The following EPN3 variants were observed in gnomAD, a reference collection of about 807,000 sequenced individuals.
EPN3 encodes epsin-3.
Under a neutral mutation model 55.5 loss-of-function variants are expected in EPN3, and 56 were observed. The ratio of observed to expected loss-of-function variants is 1.01; its 90% CI spans 0.81 to 1.26. The LOEUF is 1.26. Ranked by LOEUF, EPN3 falls within the 50% of genes most tolerant of loss-of-function variation. EPN3 has a pLI of 0.00. For synonymous variants in EPN3, 449 were observed against 375.2 expected, an observed-to-expected ratio of 1.20 and a Z score of -2.27; for missense variants, 927 against 853.4, an observed-to-expected ratio of 1.09 and a Z score of -1.07.
intron 3 of EPN3, 64 bp downstream of exon 3, chr17:50,538,261 G>A (rs2034794018): frequency 1.5e-6 from 2 of 1,354,356 alleles, no homozygotes; most frequent in Non-Finnish European, 2.1e-6. Flanking sequence ...GTGCCTGGGA[G>A]CCCCTTGGCC....
Position 50,539,223 on chromosome 17 carries a change from G to GTGCA in EPN3, c.799_800insTGCA (p.Ala267ValfsTer18). On this transcript the variant is annotated frameshift_variant, in exon 5 of 10. Coordinates refer to ENST00000268933, the MANE Select transcript of EPN3 (RefSeq NM_017957.3). LOFTEE classifies it high-confidence loss of function. The stretch of plus-strand genomic sequence containing the variant: ...CTGGCAGGGTGATGGCTCCCCCATG[G>GTGCA]CCAATGGTGCAGGGGCCGTGGTCCA... 1 of 1,614,158 alleles carries GTGCA rather than the reference G, an allele frequency of 6.2e-7. No individual in the cohort carries two copies. The highest frequency in any genetic ancestry group is 1.1e-5 in the South Asian group (1 of 91,082).
intron 5 of EPN3, 30 bp downstream of exon 5, chr17:50,539,345 G>C (rs2144035801): frequency 6.2e-7 from 1 of 1,613,218 alleles, no homozygotes; most frequent in East Asian, 2.2e-5. Context: ...GCTTGGGATG[G>C]ACAGGGCCTA....
chr17:50,539,429 C>T (rs773653760), intron 5 of EPN3, 114 bp downstream of exon 5: 15 of 1,465,400 alleles, frequency 1.0e-5, no homozygotes, highest in South Asian at 9.2e-5. Flanking sequence ...TGTGTTTATT[C>T]GATGAAATAG....
chr17:50,536,897 G>A lies in EPN3; in HGVS notation c.341G>A (p.Arg114His), dbSNP rs1567903639. ...CTCAAGGACTTCCAGTACATCGACCGCGACGGCAAGGACCAGGGCGTCAAC... is the reference window on the plus strand; with the variant it reads ...CTCAAGGACTTCCAGTACATCGACCACGACGGCAAGGACCAGGGCGTCAAC... ...QTLKDFQYID[R>H]DGKDQGVNVR... The change falls in exon 2 of 10, where the codon CGC becomes CAC. Residue 114 changes from arginine (R) to histidine (H), a missense_variant. By Grantham distance (29) the Arg-to-His change is conservative. Transcript: ENST00000268933. The A allele has an allele frequency of 7.4e-6, 12 of 1,614,100 alleles. No homozygotes were observed. The highest frequency in any genetic ancestry group is 1.1e-5 in the South Asian group (1 of 91,080).
At position 50,539,292 on chromosome 17, in the gene EPN3, G is replaced by A; in HGVS notation, c.868G>A (p.Glu290Lys). 3 of 1,614,214 alleles carry A rather than the reference G, an allele frequency of 1.9e-6. No homozygotes were observed. The highest frequency in any genetic ancestry group is 1.1e-5 in the South Asian group (1 of 91,082). The change falls in exon 5 of 10, where the codon GAG (glutamate) becomes AAG (lysine). Residue 290 changes from glutamate (E) to lysine (K), a missense_variant. By Grantham distance (56) the Glu-to-Lys change is moderately conservative. Coordinates refer to ENST00000268933, the MANE Select transcript of EPN3 (RefSeq NM_017957.3). ...GCCTGAGAGAGAAGAGAGAAAGGAG[G>A]AGGAGAAGCTAAAAACCAGCCAGGT... ...REPEREERKE[E>K]EKLKTSQSSI...
intron 1 of EPN3, 24 bp downstream of exon 1, chr17:50,533,009 C>T (rs2034695799): frequency 7.9e-7 from 1 of 1,260,788 alleles, no homozygotes; most frequent in African/African-American, 1.5e-5. Flanking sequence ...CTGGCCCCCT[C>T]CCTGGCAGTG....
At position 50,541,898 on chromosome 17, in the gene EPN3, C is replaced by A. The variant is rs1430538378; in HGVS notation, c.1640C>A (p.Pro547Gln). ...NPFGAGEPGR[P>Q]TLNQMRTGSP... ...TTCGGCGCGGGCGAGCCGGGCAGGCCGACGCTAAACCAGATGCGCACCGGC... is the reference window on the plus strand; with the variant it reads ...TTCGGCGCGGGCGAGCCGGGCAGGCAGACGCTAAACCAGATGCGCACCGGC... The change falls in exon 10 of 10, where the codon CCG becomes CAG. Residue 547 changes from proline to glutamine, a missense_variant. Physicochemically the swap from Pro to Gln is moderately conservative, Grantham distance 76. Transcript: ENST00000268933. 6.2e-7 allele frequency: 1 copy of A among 1,605,558 alleles called. No homozygotes were observed. The highest frequency in any genetic ancestry group is 1.7e-5 in the Admixed American group (1 of 59,982).
At chr17:50,538,049 G>A (rs2144033101) in intron 2 of EPN3, 30 bp from the exon 3 acceptor site, 1 of 1,561,866 alleles carries the variant, frequency 6.4e-7, no homozygotes, top group South Asian at 1.1e-5. Context: ...GGGTAATCGT[G>A]TGGTCACAGA....
In EPN3 at chr17:50,540,971, A is replaced by C; in HGVS notation, c.1158A>C (p.Thr386=). 2 of 1,612,576 alleles carry C rather than the reference A, an allele frequency of 1.2e-6. No individual in the cohort carries two copies. The highest frequency in any genetic ancestry group is 1.7e-6 in the Non-Finnish European group (2 of 1,179,728). The change falls in exon 7 of 10, where the codon ACA becomes ACC. Residue 386 remains threonine, a synonymous_variant. Coordinates refer to ENST00000268933, the MANE Select transcript of EPN3 (RefSeq NM_017957.3). Reference sequence around the variant, plus strand: ...TGCTGCCTGCTGGGCCCCCCACCACAGACCCCTGGGCCCTGAACTCTCCCC... The same window carrying C: ...TGCTGCCTGCTGGGCCCCCCACCACCGACCCCTGGGCCCTGAACTCTCCCC... ...TPVLPAGPPT[T]DPWALNSPHH... is the part of the protein sequence containing the mutation.
At chr17:50,538,281 G>T in intron 3 of EPN3, 84 bp downstream of exon 3, 1 of 1,073,184 alleles carries the variant, frequency 9.3e-7, no homozygotes, top group Non-Finnish European at 1.4e-6. Context: ...CTTGACTCAG[G>T]CTCTGTCACC....
Position 50,536,424 on chromosome 17 carries a change from C to T in EPN3, c.-133C>T, listed in dbSNP as rs1391581341. On this transcript the variant is annotated 5_prime_UTR_variant, in exon 2 of 10. Transcript: ENST00000268933. ...TTCCTGGCCCTCTCTTCCTCAGCCC[C>T]ATGTGGAACCCAAGGATGCAGCTGC... The T allele has an allele frequency of 6.6e-7, 1 of 1,515,514 alleles. No individual in the cohort carries two copies. The highest frequency in any genetic ancestry group is 8.8e-7 in the Non-Finnish European group (1 of 1,142,466). 93.9% of individuals were successfully genotyped at this position (1,515,514 alleles called of 1,614,324 possible).
chr17:50,538,843 TG>T, intron 3 of EPN3, 40 bp from the exon 4 acceptor site: 1 of 1,479,912 alleles, frequency 6.8e-7, no homozygotes, highest in Non-Finnish European at 9.1e-7. Context: ...GGTCCCAAGG[TG>T]GGGGTACAGG....
rs530900808 is a variant in EPN3, at chr17:50,541,239, G to A, written c.1260G>A (p.Ser420=). The change falls in exon 8 of 10, where the codon TCG becomes TCA. Residue 420 remains serine (S), a synonymous_variant. Transcript: ENST00000268933. ...TCTCTCTCTTCCGAGGTGGTGCCTCGACCTTTGACCCATTTGCCAAACCTC... is the reference window on the plus strand; with the variant it reads ...TCTCTCTCTTCCGAGGTGGTGCCTCAACCTTTGACCCATTTGCCAAACCTC... ...LETSDTPGGA[S]TFDPFAKPPE... 3.7e-6 allele frequency: 6 copies of A among 1,613,462 alleles called. No homozygotes were observed. Among genetic ancestry groups the A allele is most frequent in the South Asian group, 1.1e-5 (1 of 91,044 alleles).
Position 50,542,135 on chromosome 17 carries a change from C to T in EPN3, c.1877C>T (p.Thr626Ile). Reference protein sequence around the residue: ...SAGPRPPPPQTGTNPFL With the variant: ...SAGPRPPPPQIGTNPFL ...GGGCCGCGGCCCCCGCCCCCGCAGA[C>T]CGGCACCAACCCCTTCCTCTGAGCC... The change falls in exon 10 of 10, where the codon ACC becomes ATC. Residue 626 changes from threonine (T) to isoleucine (I), a missense_variant. Physicochemically the swap from Thr to Ile is moderately conservative, Grantham distance 89. Transcript: ENST00000268933. 1.3e-6 allele frequency: 2 copies of T among 1,514,214 alleles called. No homozygotes were observed. Among genetic ancestry groups the T allele is most frequent in the Non-Finnish European group, 8.8e-7 (1 of 1,139,856 alleles). 93.8% of individuals were successfully genotyped at this position (1,514,214 alleles called of 1,614,324 possible).
chr17:50,542,115 G>GCGGCCC lies in EPN3; in HGVS notation c.1859_1864dup (p.Arg620_Pro621dup). 6.5e-7 allele frequency: 1 copy of GCGGCCC among 1,530,840 alleles called. No individual in the cohort carries two copies. The highest frequency in any genetic ancestry group is 8.7e-7 in the Non-Finnish European group (1 of 1,148,352). The allele number at this position is 1,530,840 out of a possible 1,614,324, so 94.8% of individuals were successfully genotyped here. ...TGCCCACGCCGAGCTCAGCCGGGCC[G>GCGGCCC]CGGCCCCCGCCCCCGCAGACCGGCA... On this transcript the variant is annotated inframe_insertion, in exon 10 of 10. Transcript: ENST00000268933.
Position 50,536,946 on chromosome 17 carries a change from G to A in EPN3, c.390G>A (p.Val130=). ...ACGTGCGCGAGAAGGTCAAGCAGGTGATGGCCCTGCTCAAGGATGAGGAGC... is the reference window on the plus strand; with the variant it reads ...ACGTGCGCGAGAAGGTCAAGCAGGTAATGGCCCTGCTCAAGGATGAGGAGC... ...GVNVREKVKQ[V]MALLKDEERL... The change falls in exon 2 of 10, where the codon GTG becomes GTA. Residue 130 remains valine, a synonymous_variant. Transcript: ENST00000268933. The A allele has an allele frequency of 6.2e-7, 1 of 1,614,118 alleles. No homozygotes were observed. The highest frequency in any genetic ancestry group is 1.1e-5 in the South Asian group (1 of 91,080).
rs1235794792 is a variant in EPN3 at position 50,542,308 on chromosome 17, C to A, written c.*151C>A. On this transcript the variant is annotated 3_prime_UTR_variant, in exon 10 of 10. Transcript: ENST00000268933. ...GGCGGCTCTGGAAGCTGGACGCGGACCACGGCCCGGGAGCTAGAAACTGAA... is the reference window on the plus strand; with the variant it reads ...GGCGGCTCTGGAAGCTGGACGCGGAACACGGCCCGGGAGCTAGAAACTGAA... 3.9e-6 allele frequency: 3 copies of A among 778,688 alleles called. No homozygotes were observed. Among genetic ancestry groups the A allele is most frequent in the Non-Finnish European group, 5.5e-6 (3 of 545,320 alleles). 48.2% of individuals were successfully genotyped at this position (778,688 alleles called of 1,614,324 possible).
At chr17:50,534,859 C>T (rs928641066) in intron 1 of EPN3, among the ~76,000 whole-genome samples, 1 of 152,168 alleles carries the variant, frequency 6.6e-6, no homozygotes, top group Non-Finnish European at 1.5e-5. Context: ...TTCTGGCAGC[C>T]TGGGGACCAG....
intron 3 of EPN3, 67 bp downstream of exon 3, chr17:50,538,264 C>T (rs1050907502): frequency 2.0e-5 from 26 of 1,315,150 alleles, no homozygotes; most frequent in Non-Finnish European, 2.8e-5. Context: ...CCTGGGAGCC[C>T]CTTGGCCTTG....
Sources: gnomAD v4.1 joint callset for allele counts (sites outside exome capture counted in the v4.1 genomes callset) on GRCh38, gnomAD v4.1.1 for gene constraint, MANE v1.5 for transcripts, NCBI Gene and HGNC (gene_info 2026-07-23, HGNC 2026-07-21) for gene names.